Variants in ADAMTS19 observed in about 807,000 individuals in gnomAD.
ADAMTS19 encodes A disintegrin and metalloproteinase with thrombospondin motifs 19.
A neutral mutation model predicts 153.3 loss-of-function variants in ADAMTS19; 93 were observed. The ratio of observed to expected loss-of-function variants is 0.61; its 90% CI spans 0.51 to 0.72. The LOEUF is 0.72. Ranked by LOEUF, ADAMTS19 falls within the 30% of genes least tolerant of loss-of-function variation. ADAMTS19 has a pLI of 0.00. For missense variants in ADAMTS19, 1,482 were observed against 1,552.1 expected, an observed-to-expected ratio of 0.95 and a Z score of 0.76; for synonymous variants, 600 against 556.6, an observed-to-expected ratio of 1.08 and a Z score of -1.10.
In ADAMTS19 at chr5:129,704,247, C is replaced by G. The variant is rs1481673697; in HGVS notation, c.3168C>G (p.Val1056=). The change falls in exon 21 of 23, where the codon GTC becomes GTG. Residue 1056 remains valine, a synonymous_variant. Coordinates refer to ENST00000274487, the MANE Select transcript of ADAMTS19 (RefSeq NM_133638.6). ...WEAGVWSECS[V]KCGKGIRHRT... ...CTGATGTTATCTTCCAGTGTTCAGT[C>G]AAGTGTGGCAAAGGCATACGTCATC... 9 of 1,612,752 alleles carry G rather than the reference C, an allele frequency of 5.6e-6. No homozygotes were observed. Among genetic ancestry groups the G allele is most frequent in the South Asian group, 1.1e-5 (1 of 90,928 alleles).
chr5:129,470,947 C>T (rs1750043307), intron 2 of ADAMTS19, among the ~76,000 whole-genome samples: 1 of 152,050 alleles, frequency 6.6e-6, no homozygotes, highest in African/African-American at 2.4e-5. Flanking sequence ...GTCTACTAGC[C>T]TCAGCCTGGC....
chr5:129,537,075 A>T (rs1371314288), intron 6 of ADAMTS19, among the ~76,000 whole-genome samples: 2 of 151,864 alleles, frequency 1.3e-5, no homozygotes, highest in African/African-American at 4.8e-5. Context: ...TTTAAAAAAA[A>T]GAAAAAAGAA....
chr5:129,642,452 G>A (rs191135416), intron 11 of ADAMTS19, among the ~76,000 whole-genome samples: 46 of 152,240 alleles, frequency 3.0e-4, no homozygotes, highest in Non-Finnish European at 5.4e-4. Context: ...GTAGTTTAAT[G>A]TACTTCATAA....
intron 3 of ADAMTS19, among the ~76,000 whole-genome samples, chr5:129,510,646 CG>C (rs1561544643): frequency 6.6e-6 from 1 of 151,782 alleles, no homozygotes; most frequent in Non-Finnish European, 1.5e-5. Context: ...TTGCTTTGTA[CG>C]AGTTATACTG....
In ADAMTS19 at chr5:129,535,557, G is replaced by A. The variant is rs182679870; in HGVS notation, c.1328+6880G>A. ...GACTTTCTTCACAGAATTGGAAAAA[G>A]CTACTTTAAAGTTCATAGGGAACCA... On this transcript the variant is annotated intron_variant, in intron 6 of 22. Coordinates refer to ENST00000274487, the MANE Select transcript of ADAMTS19 (RefSeq NM_133638.6). 2.9e-3 allele frequency among the ~76,000 whole-genome samples: 439 copies of A among 152,036 alleles called. 3 individuals are homozygous for A. The highest frequency in any genetic ancestry group is 9.8e-3 in the African/African-American group (405 of 41,496).
chr5:129,604,952 A>G (rs1298680125), intron 8 of ADAMTS19, among the ~76,000 whole-genome samples: 1 of 152,166 alleles, frequency 6.6e-6, no homozygotes, highest in Non-Finnish European at 1.5e-5. Flanking sequence ...CCAAAAGCCA[A>G]AGAATTATCT....
chr5:129,622,108 A>T, intron 9 of ADAMTS19, 90 bp from the exon 10 acceptor site: 2 of 1,271,156 alleles, frequency 1.6e-6, no homozygotes, highest in South Asian at 2.6e-5. Context: ...TATTTTTGAT[A>T]TTATTAAAGT....
chr5:129,547,706 C>T lies in ADAMTS19; in HGVS notation c.1329-4158C>T, dbSNP rs965531354. On this transcript the variant is annotated intron_variant, in intron 6 of 22. Transcript: ENST00000274487. ...GTTCATATGGAACCAAAAAAGAGCC[C>T]GCATTGCCAAGCCAATCCTAAGCCA... 2.2e-4 allele frequency among the ~76,000 whole-genome samples: 33 copies of T among 150,592 alleles called. 2 individuals carry two copies. The highest frequency in any genetic ancestry group is 6.0e-4 in the African/African-American group (24 of 40,096).
Position 129,624,050 on chromosome 5 carries a change from C to G in ADAMTS19, c.1770+1702C>G, listed in dbSNP as rs1305990935. ...GCTGAGGCAGGAGAATGGTGTGAAC[C>G]TGGGAGGTGGAGCTTGCAGTGAGCC... On this transcript the variant is annotated intron_variant, in intron 10 of 22. Coordinates refer to ENST00000274487, the MANE Select transcript of ADAMTS19 (RefSeq NM_133638.6). Among the ~76,000 whole-genome samples the G allele has an allele frequency of 2.9e-5, 4 of 135,610 alleles. No homozygotes were observed. In the Admixed American group the frequency reaches 3.4e-4, roughly 12 times the overall value. 89.0% of individuals were successfully genotyped at this position (135,610 alleles called of 152,430 possible). A position where few individuals can be genotyped will look rare whatever the true frequency, so the allele number is the denominator to read the frequency against.
At position 129,641,968 on chromosome 5, in the gene ADAMTS19, A is replaced by AT. The variant is rs767451277; in HGVS notation, c.1872+11dup. 23 of 1,560,750 alleles carry AT rather than the reference A, an allele frequency of 1.5e-5. No homozygotes were observed. The highest frequency in any genetic ancestry group is 1.9e-5 in the Non-Finnish European group (22 of 1,144,930). ...GACTGTGACCTTGGTAAGGTAAGTC[A>AT]TTTGTGTTGTCTGAATTTAATGAGC... On this transcript the variant is annotated intron_variant, in intron 11 of 22. Coordinates refer to ENST00000274487, the MANE Select transcript of ADAMTS19 (RefSeq NM_133638.6).
chr5:129,543,028 TTTG>T (rs1179420681), intron 6 of ADAMTS19, among the ~76,000 whole-genome samples: 29 of 150,698 alleles, frequency 1.9e-4, no homozygotes, highest in African/African-American at 6.1e-4. Flanking sequence ...GTTGTTTTTT[TTTG>T]TTGTTGTTGT....
At chr5:129,725,130 A>T (rs1420238227) in intron 21 of ADAMTS19, among the ~76,000 whole-genome samples, 2 of 152,162 alleles carry the variant, frequency 1.3e-5, no homozygotes, top group Non-Finnish European at 2.9e-5. Context: ...TCTGACTCTC[A>T]CAAACTGCCT....
intron 7 of ADAMTS19, among the ~76,000 whole-genome samples, chr5:129,560,622 G>C (rs552034615): frequency 6.6e-6 from 1 of 152,098 alleles, no homozygotes; most frequent in African/African-American, 2.4e-5. Context: ...TTTTTACTCC[G>C]TCATTTATAT....
At chr5:129,601,403 T>C (rs1427136502) in intron 8 of ADAMTS19, among the ~76,000 whole-genome samples, 1 of 152,206 alleles carries the variant, frequency 6.6e-6, no homozygotes, top group African/African-American at 2.4e-5. Context: ...TATATGATCT[T>C]TATGAACAAC....
At chr5:129,630,137 G>T (rs1752223020) in intron 10 of ADAMTS19, among the ~76,000 whole-genome samples, 1 of 152,066 alleles carries the variant, frequency 6.6e-6, no homozygotes, top group Non-Finnish European at 1.5e-5. Context: ...ATCCAAGTTT[G>T]TAGGACTCTC....
At chr5:129,534,766 A>G (rs1166430594) in intron 6 of ADAMTS19, among the ~76,000 whole-genome samples, 1 of 152,228 alleles carries the variant, frequency 6.6e-6, no homozygotes, top group Non-Finnish European at 1.5e-5. Context: ...AGGCTTGTTC[A>G]ACATACGAAA....
At chr5:129,657,928 T>C (rs1032322369) in intron 14 of ADAMTS19, among the ~76,000 whole-genome samples, 1 of 152,190 alleles carries the variant, frequency 6.6e-6, no homozygotes, top group East Asian at 1.9e-4. Flanking sequence ...CTTATGTAAA[T>C]TGCATTTTTC....
At chr5:129,542,472 C>T (rs1048814957) in intron 6 of ADAMTS19, among the ~76,000 whole-genome samples, 9 of 152,152 alleles carry the variant, frequency 5.9e-5, no homozygotes, top group Non-Finnish European at 1.0e-4. Flanking sequence ...CAAAAACCTT[C>T]CATTATAACC....
At chr5:129,584,152 C>T (rs886483337) in intron 7 of ADAMTS19, among the ~76,000 whole-genome samples, 2 of 152,144 alleles carry the variant, frequency 1.3e-5, no homozygotes, top group African/African-American at 4.8e-5. Flanking sequence ...AGTCAGGCCC[C>T]TCTGCTGCAG....
Sources: gnomAD v4.1 joint callset for allele counts (sites outside exome capture counted in the v4.1 genomes callset) on GRCh38, gnomAD v4.1.1 for gene constraint, MANE v1.5 for transcripts, NCBI Gene and HGNC (gene_info 2026-07-23, HGNC 2026-07-21) for gene names.